Variants in ERBB4 observed in about 807,000 individuals in gnomAD.
ERBB4 encodes the protein receptor tyrosine-protein kinase erbB-4.
A neutral mutation model predicts 158.0 loss-of-function variants in ERBB4; 42 were observed. That is an observed-to-expected ratio of 0.27 (90% CI 0.21 to 0.34). The LOEUF (loss-of-function observed/expected upper bound fraction) is 0.34. Ranked by LOEUF, ERBB4 falls within the 10% of genes least tolerant of loss-of-function variation. The pLI is 1.00. For synonymous variants in ERBB4, 583 were observed against 558.7 expected (o/e 1.04, Z -0.61); for missense variants, 1,333 against 1,624.1 (o/e 0.82, Z 3.08).
At chr2:212,224,167 A>T (rs1017639426) in intron 1 of ERBB4, among the ~76,000 whole-genome samples, 1 of 151,950 alleles carries the variant, frequency 6.6e-6, no homozygotes, top group Non-Finnish European at 1.5e-5. Context: ...ATGTAAATTT[A>T]CACCAAATAA....
chr2:211,580,892 TATATATATATATATA>T (rs2068081024), intron 19 of ERBB4, among the ~76,000 whole-genome samples: 1 of 6,244 alleles, frequency 1.6e-4, no homozygotes, highest in African/African-American at 8.4e-4. Flanking sequence ...TATATATATA[TATATATATATATATA>T]TATATATATG....
chr2:212,439,026 A>G (rs2092196603), intron 1 of ERBB4, among the ~76,000 whole-genome samples: 1 of 152,140 alleles, frequency 6.6e-6, no homozygotes, highest in South Asian at 2.1e-4. Context: ...TGCCCTTTCA[A>G]TATTCAGACA....
rs192389805 is a variant in ERBB4, at chr2:211,495,437, T to A, written c.2488-64337A>T. On this transcript the variant is annotated intron_variant, in intron 20 of 27. Transcript: ENST00000342788. ...CTGTTAATAAATTTGTATAAGGATATGTAAAAACAACTATTTCATTTTTCT... is the reference window on the plus strand; with the variant it reads ...CTGTTAATAAATTTGTATAAGGATAAGTAAAAACAACTATTTCATTTTTCT... Among the ~76,000 whole-genome samples, 9 of 152,266 alleles carry A rather than the reference T, an allele frequency of 5.9e-5. No individual in the cohort carries two copies. In the East Asian group the frequency reaches 1.7e-3, roughly 29 times the overall value.
chr2:211,912,755 T>C (rs2079570566), intron 3 of ERBB4, among the ~76,000 whole-genome samples: 2 of 152,320 alleles, frequency 1.3e-5, no homozygotes, highest in Middle Eastern at 3.4e-3. Flanking sequence ...GTGGAGAATT[T>C]CCATTGATGT....
At chr2:211,760,501 A>G (rs1301286407) in intron 4 of ERBB4, among the ~76,000 whole-genome samples, 1 of 152,234 alleles carries the variant, frequency 6.6e-6, no homozygotes, top group Non-Finnish European at 1.5e-5. Context: ...TAAAGCTATG[A>G]TATTTAATAG....
chr2:211,989,168 T>A (rs1377124452), intron 2 of ERBB4, among the ~76,000 whole-genome samples: 2 of 151,988 alleles, frequency 1.3e-5, no homozygotes, highest in African/African-American at 2.4e-5. Flanking sequence ...CCTACTTTGA[T>A]TATAATGAGT....
intron 3 of ERBB4, among the ~76,000 whole-genome samples, chr2:211,809,656 A>AT (rs2076703306): frequency 6.6e-6 from 1 of 151,922 alleles, no homozygotes; most frequent in African/African-American, 2.4e-5. Context: ...GGATTCACTG[A>AT]TTTTTTTGAA....
chr2:211,761,190 C>CAAAAA (rs58277006), intron 4 of ERBB4, among the ~76,000 whole-genome samples: 3 of 89,942 alleles, frequency 3.3e-5, no homozygotes, highest in African/African-American at 1.2e-4. Context: ...TGAGATTCCT[C>CAAAAA]AAAAAAAAAA....
In ERBB4 at chr2:211,857,546, T is replaced by G. The variant is rs1181109653; in HGVS notation, c.422-69387A>C. ...TTTTCTTCAGCATGGTTTCTGAATT[T>G]TAATCAAAACATAAAAATACAAAAG... is the stretch of plus-strand genomic sequence containing the variant. On this transcript the variant is annotated intron_variant, in intron 3 of 27. Transcript: ENST00000342788. Among the ~76,000 whole-genome samples the G allele has an allele frequency of 5.9e-5, 9 of 152,264 alleles. No individual in the cohort carries two copies. In the East Asian group the frequency reaches 7.7e-4, roughly 13 times the overall value.
chr2:211,882,958 A>G (rs2078701824), intron 3 of ERBB4, among the ~76,000 whole-genome samples: 1 of 152,210 alleles, frequency 6.6e-6, no homozygotes, highest in African/African-American at 2.4e-5. Flanking sequence ...TACTGGGTAT[A>G]TACCCAAAGG....
intron 3 of ERBB4, among the ~76,000 whole-genome samples, chr2:211,879,996 T>C (rs1209752978): frequency 6.6e-6 from 1 of 150,590 alleles, no homozygotes; most frequent in Non-Finnish European, 1.5e-5. Flanking sequence ...CAAAAATAAA[T>C]ATATAAATAA....
rs375899745 is a variant in ERBB4, at chr2:211,383,633, G to A, written c.3909C>T (p.His1303=). Residue 1303 remains histidine, a synonymous_variant, in exon 28 of 28, where the codon CAC becomes CAT. Transcript: ENST00000342788. ...ACTGAGCTTACACCACAGTATTCCG[G>A]TGTCTGTAAGGTGGAGGCGGCAGCA... is the stretch of plus-strand genomic sequence containing the variant. ...GTVLPPPPYR[H]RNTVV 8.0e-5 allele frequency: 129 copies of A among 1,613,192 alleles called. No individual in the cohort carries two copies. Among genetic ancestry groups the A allele is most frequent in the Non-Finnish European group, 1.0e-4 (123 of 1,179,938 alleles).
chr2:212,164,632 C>G (rs540606506), intron 1 of ERBB4, among the ~76,000 whole-genome samples: 11 of 151,962 alleles, frequency 7.2e-5, no homozygotes, highest in Admixed American at 1.3e-4. Flanking sequence ...TGCTGTTAAG[C>G]GTCTATCTAT....
intron 12 of ERBB4, among the ~76,000 whole-genome samples, chr2:211,684,839 C>T (rs1254245450): frequency 6.6e-6 from 1 of 152,138 alleles, no homozygotes; most frequent in Non-Finnish European, 1.5e-5. Flanking sequence ...TCTGACCAAC[C>T]AGTGGTCATA....
chr2:212,472,134 G>T (rs1360440920), intron 1 of ERBB4, among the ~76,000 whole-genome samples: 4 of 151,866 alleles, frequency 2.6e-5, no homozygotes, highest in African/African-American at 9.7e-5. Context: ...TAGTGTTCAT[G>T]CTTCTCAATT....
chr2:211,944,193 A>AC (rs765902597), intron 3 of ERBB4, among the ~76,000 whole-genome samples: 9 of 64,556 alleles, frequency 1.4e-4, no homozygotes, highest in African/African-American at 7.2e-4. Flanking sequence ...ATATATATAT[A>AC]TATATACTAT....
At chr2:212,164,692 A>C (rs996046886) in intron 1 of ERBB4, among the ~76,000 whole-genome samples, 1 of 87,200 alleles carries the variant, frequency 1.1e-5, no homozygotes, top group African/African-American at 5.7e-5. Context: ...TAGGTAAATA[A>C]TCCCTTTTTT....
intron 20 of ERBB4, among the ~76,000 whole-genome samples, chr2:211,547,889 C>T (rs1256223621): frequency 6.6e-6 from 1 of 152,064 alleles, no homozygotes; most frequent in African/African-American, 2.4e-5. Flanking sequence ...AAAGGAGTAA[C>T]TTACAAGCTG....
chr2:212,090,614 C>A (rs1170224118), intron 2 of ERBB4, among the ~76,000 whole-genome samples: 5 of 152,084 alleles, frequency 3.3e-5, no homozygotes, highest in Non-Finnish European at 5.9e-5. Flanking sequence ...CTCCACAATT[C>A]TCCATCCTAG....
Sources: gnomAD v4.1 joint callset for allele counts (sites outside exome capture counted in the v4.1 genomes callset) on GRCh38, gnomAD v4.1.1 for gene constraint, MANE v1.5 for transcripts, NCBI Gene and HGNC (gene_info 2026-07-23, HGNC 2026-07-21) for gene names.